B3GALT1: variants seen among roughly 807,000 people sequenced by gnomAD.
B3GALT1 encodes the protein beta-1,3-galactosyltransferase 1.
B3GALT1 carries 10 observed loss-of-function variants against 23.2 expected under a neutral mutation model. The ratio of observed to expected loss-of-function variants is 0.43; its 90% CI spans 0.27 to 0.73. The LOEUF (loss-of-function observed/expected upper bound fraction) is 0.73, where lower values mean the gene tolerates loss of function less well. Ranked by LOEUF, B3GALT1 falls within the 30% of genes least tolerant of loss-of-function variation. B3GALT1 has a pLI of 0.21. For synonymous variants in B3GALT1, 156 were observed against 141.5 expected, an observed-to-expected ratio of 1.10 and a Z score of -0.73; for missense variants, 299 against 405.4, an observed-to-expected ratio of 0.74 and a Z score of 2.25.
chr2:167,373,386 C>T (rs1454790063), intron 1 of B3GALT1, among the ~76,000 whole-genome samples: 1 of 151,926 alleles, frequency 6.6e-6, no homozygotes. Context: ...AAAACATCTG[C>T]TCTTTGAAAG....
chr2:167,628,541 A>T (rs186595383), intron 2 of B3GALT1, among the ~76,000 whole-genome samples: 12 of 151,870 alleles, frequency 7.9e-5, no homozygotes, highest in Non-Finnish European at 1.0e-4. Context: ...CTCAGCCACC[A>T]GTAGGATTTC....
chr2:167,837,636 A>G (rs1173504093), intron 4 of B3GALT1, among the ~76,000 whole-genome samples: 1 of 150,578 alleles, frequency 6.6e-6, no homozygotes, highest in East Asian at 1.9e-4. Flanking sequence ...AAAGTCAACA[A>G]GGATACCCAG....
intron 2 of B3GALT1, among the ~76,000 whole-genome samples, chr2:167,618,033 C>T (rs1685191045): frequency 6.6e-6 from 1 of 152,002 alleles, no homozygotes; most frequent in South Asian, 2.1e-4. Flanking sequence ...AAGTGGAAAC[C>T]TGTCATATTT....
At chr2:167,311,397 CAAAG>C (rs1400880811) in intron 1 of B3GALT1, among the ~76,000 whole-genome samples, 2 of 151,788 alleles carry the variant, frequency 1.3e-5, no homozygotes, top group East Asian at 3.9e-4. Flanking sequence ...AATGGTAAAA[CAAAG>C]AGGGAAATGT....
intron 1 of B3GALT1, among the ~76,000 whole-genome samples, chr2:167,387,907 A>G (rs1310472705): frequency 6.6e-6 from 1 of 152,228 alleles, no homozygotes; most frequent in African/African-American, 2.4e-5. Flanking sequence ...TCATAATAGC[A>G]TTGAACGATA....
intron 4 of B3GALT1, among the ~76,000 whole-genome samples, chr2:167,827,053 TCATG>T (rs1452842726): frequency 6.6e-6 from 1 of 152,148 alleles, no homozygotes; most frequent in Non-Finnish European, 1.5e-5. Context: ...ACCAGAACAA[TCATG>T]CTTCCTGTTC....
chr2:167,794,145 C>G (rs1247769113), intron 3 of B3GALT1, among the ~76,000 whole-genome samples: 1 of 152,258 alleles, frequency 6.6e-6, no homozygotes, highest in Non-Finnish European at 1.5e-5. Context: ...TTCTAGGACT[C>G]TGCTTCTAAC....
At chr2:167,655,155 C>T (rs1251123850) in intron 3 of B3GALT1, among the ~76,000 whole-genome samples, 2 of 152,110 alleles carry the variant, frequency 1.3e-5, no homozygotes, top group African/African-American at 2.4e-5. Flanking sequence ...CATTTGAATG[C>T]AGCACAAATT....
intron 2 of B3GALT1, among the ~76,000 whole-genome samples, chr2:167,515,289 A>G (rs971640809): frequency 6.6e-6 from 1 of 152,174 alleles, no homozygotes; most frequent in African/African-American, 2.4e-5. Context: ...ACTGATGCAC[A>G]TATCTACTTC....
At chr2:167,398,684 A>G (rs1209766452) in intron 1 of B3GALT1, among the ~76,000 whole-genome samples, 9 of 152,154 alleles carry the variant, frequency 5.9e-5, no homozygotes, top group Admixed American at 5.9e-4. Context: ...CCACTGAGGT[A>G]TAATAGGTCT....
intron 1 of B3GALT1, among the ~76,000 whole-genome samples, chr2:167,345,008 T>TA (rs762303013): frequency 9.9e-5 from 15 of 152,168 alleles, no homozygotes; most frequent in Non-Finnish European, 2.2e-4. Context: ...AATGAAGAAA[T>TA]AAAAAATCCT....
intron 1 of B3GALT1, among the ~76,000 whole-genome samples, chr2:167,369,757 G>A (rs1697650586): frequency 6.6e-6 from 1 of 152,160 alleles, no homozygotes; most frequent in African/African-American, 2.4e-5. Flanking sequence ...AAAGGGATAT[G>A]TGATATTAAG....
rs374423893 is a variant in B3GALT1, at chr2:167,512,567, T to TATAC, written c.-410+22290_-410+22291insATAC. Among the ~76,000 whole-genome samples, 35 of 79,940 alleles carry TATAC rather than the reference T, an allele frequency of 4.4e-4. 3 individuals are homozygous for TATAC. In the East Asian group the frequency reaches 9.6e-3, roughly 22 times the overall value. 52.4% of individuals were successfully genotyped at this position (79,940 alleles called of 152,430 possible). On this transcript the variant is annotated intron_variant, in intron 2 of 4. Coordinates refer to ENST00000392690, the MANE Select transcript of B3GALT1 (RefSeq NM_020981.4). ...ATATGTATATATATGTATATATATA[T>TATAC]GTATATATATATGTATATATATATG...
rs138146545 is a variant in B3GALT1 at position 167,507,331 on chromosome 2, T to C, written c.-410+17054T>C. Among the ~76,000 whole-genome samples the C allele has an allele frequency of 1.5e-3, 233 of 151,066 alleles. 5 individuals carry two copies. The East Asian group carries it at 0.043, about 28-fold the overall frequency. ...ACCATCCTGGCCAACATGATGAAAC[T>C]CCATCTCTACTAAAAAAATACAAAA... On this transcript the variant is annotated intron_variant, in intron 2 of 4. Coordinates refer to ENST00000392690, the MANE Select transcript of B3GALT1 (RefSeq NM_020981.4).
At chr2:167,734,804 T>C (rs1687466926) in intron 3 of B3GALT1, among the ~76,000 whole-genome samples, 2 of 152,158 alleles carry the variant, frequency 1.3e-5, no homozygotes, top group Non-Finnish European at 2.9e-5. Context: ...TTGACTTCTG[T>C]TCATCATATT....
chr2:167,612,152 T>A (rs1685078147), intron 2 of B3GALT1, among the ~76,000 whole-genome samples: 1 of 151,960 alleles, frequency 6.6e-6, no homozygotes, highest in Admixed American at 6.6e-5. Flanking sequence ...AAATCCATTT[T>A]TCACTGTTAA....
chr2:167,493,947 C>T (rs1699743740), intron 2 of B3GALT1, among the ~76,000 whole-genome samples: 1 of 152,102 alleles, frequency 6.6e-6, no homozygotes. Flanking sequence ...CTTTAAGAAA[C>T]TGATATGTAC....
At chr2:167,455,590 T>G (rs1377871584) in intron 1 of B3GALT1, among the ~76,000 whole-genome samples, 1 of 152,164 alleles carries the variant, frequency 6.6e-6, no homozygotes, top group Admixed American at 6.5e-5. Flanking sequence ...CTCGGCTCAC[T>G]GCAATCTATG....
intron 2 of B3GALT1, among the ~76,000 whole-genome samples, chr2:167,563,266 G>T (rs1407714882): frequency 6.8e-6 from 1 of 146,264 alleles, no homozygotes; most frequent in East Asian, 2.1e-4. Context: ...GGGGCGGCTG[G>T]CCGGGCAGAG....
Sources: allele counts gnomAD v4.1 joint callset (sites outside exome capture counted in the v4.1 genomes callset), GRCh38; gene constraint gnomAD v4.1.1; transcripts MANE v1.5; gene names NCBI Gene and HGNC (gene_info 2026-07-23, HGNC 2026-07-21).